Variants in CFAP47 observed in about 807,000 individuals in gnomAD.
CFAP47 encodes cilia- and flagella-associated protein 47.
In CFAP47, 29 loss-of-function variants were observed where a neutral mutation model predicts 148.1. The ratio of observed to expected loss-of-function variants is 0.20; its 90% CI spans 0.15 to 0.27. The LOEUF is 0.27. Ranked by LOEUF, CFAP47 falls within the 10% of genes least tolerant of loss-of-function variation. The probability of loss-of-function intolerance (pLI) is 1.00; values close to 1 mark genes in which losing one functional copy is unlikely to be tolerated. For synonymous variants in CFAP47, 664 were observed against 577.3 expected (o/e 1.15, Z -2.15); for missense variants, 1,872 against 1,697.5 (o/e 1.10, Z -1.81).
chrX:36,278,867 G>A (rs1450961922), intron 49 of CFAP47, among the ~76,000 whole-genome samples: 3 of 111,551 alleles, frequency 2.7e-5, no homozygotes, highest in African/African-American at 6.5e-5. Flanking sequence ...CATTTTAATT[G>A]CTCAGTAGTC....
At chrX:36,018,768 A>G (rs1601933612) in intron 22 of CFAP47, among the ~76,000 whole-genome samples, 1 of 108,697 alleles carries the variant, frequency 9.2e-6, no homozygotes, top group Non-Finnish European at 1.9e-5. Flanking sequence ...AGATTTTTGC[A>G]TCAATATTCA....
At chrX:36,064,200 A>G (rs139792609) in intron 26 of CFAP47, among the ~76,000 whole-genome samples, 1 of 112,621 alleles carries the variant, frequency 8.9e-6, no homozygotes, top group Admixed American at 9.4e-5. Flanking sequence ...ACTATGTTTA[A>G]CACAAGTGCA....
intron 39 of CFAP47, among the ~76,000 whole-genome samples, chrX:36,173,094 T>C (rs752705307): frequency 5.0e-4 from 56 of 111,541 alleles, no homozygotes; most frequent in African/African-American, 1.6e-3. Flanking sequence ...CGTAGAGGTG[T>C]TTGTAGTATT....
intron 45 of CFAP47, among the ~76,000 whole-genome samples, chrX:36,214,525 T>C (rs1940138432): frequency 8.9e-6 from 1 of 112,130 alleles, no homozygotes; most frequent in Non-Finnish European, 1.9e-5. Context: ...TTTAAACTTG[T>C]TGACTCTTGT....
intron 33 of CFAP47, among the ~76,000 whole-genome samples, chrX:36,117,148 C>T (rs1938654856): frequency 8.9e-6 from 1 of 112,294 alleles, no homozygotes; most frequent in African/African-American, 3.2e-5. Flanking sequence ...TTTATTCATT[C>T]ATCTCTTGAT....
chrX:36,148,503 A>G (rs1191775759), intron 36 of CFAP47, among the ~76,000 whole-genome samples: 1 of 111,680 alleles, frequency 9.0e-6, no homozygotes, highest in Non-Finnish European at 1.9e-5. Context: ...TTTTACATAA[A>G]CACTTTGTGT....
chrX:35,973,193 A>G (rs1936519122), intron 13 of CFAP47, among the ~76,000 whole-genome samples: 1 of 111,050 alleles, frequency 9.0e-6, no homozygotes, highest in South Asian at 3.8e-4. Flanking sequence ...CCATTTATTT[A>G]TTTATTTATT....
chrX:36,139,353 G>A (rs1429800573), intron 35 of CFAP47, among the ~76,000 whole-genome samples: 1 of 111,648 alleles, frequency 9.0e-6, no homozygotes, highest in Non-Finnish European at 1.9e-5. Context: ...AGGAAATTGT[G>A]TGAATAGGTT....
chrX:35,942,154 G>T lies in CFAP47; in HGVS notation c.517+756G>T, dbSNP rs1393760169. Among the ~76,000 whole-genome samples the T allele has an allele frequency of 5.4e-5, 6 of 110,937 alleles. No homozygotes were observed. In the Admixed American group the frequency reaches 5.8e-4, roughly 11 times the overall value. ...GATTCAATGGCATGTGGGGTTGCAA[G>T]ATTGCCATTTCTCCCAATCTAAAAT... is the stretch of plus-strand genomic sequence containing the variant. On this transcript the variant is annotated intron_variant, in intron 3 of 63. Coordinates refer to ENST00000378653, the MANE Select transcript of CFAP47 (RefSeq NM_001304548.2).
At chrX:36,308,734 G>T (rs1280457285) in intron 55 of CFAP47, among the ~76,000 whole-genome samples, 2 of 111,028 alleles carry the variant, frequency 1.8e-5, no homozygotes, top group East Asian at 5.6e-4. Context: ...ATTAGCTGAT[G>T]AATCTAAAGC....
At chrX:36,274,372 C>T (rs1339844974) in intron 49 of CFAP47, among the ~76,000 whole-genome samples, 1 of 111,526 alleles carries the variant, frequency 9.0e-6, no homozygotes, top group East Asian at 2.8e-4. Flanking sequence ...TTAGGACACT[C>T]CTTGACTTAT....
At chrX:36,289,769 T>G (rs1220560384) in intron 51 of CFAP47, among the ~76,000 whole-genome samples, 3 of 112,342 alleles carry the variant, frequency 2.7e-5, no homozygotes, top group Non-Finnish European at 5.6e-5. Flanking sequence ...TATTTCTAAA[T>G]TCTGAATTGA....
intron 62 of CFAP47, among the ~76,000 whole-genome samples, chrX:36,377,288 T>G (rs6418690): frequency 0.31 from 34,555 of 110,527 alleles, 6,757 homozygotes; most frequent in African/African-American, 0.73. Flanking sequence ...AGCACCTGTT[T>G]TTTCCTGACT....
chrX:36,131,394 G>A (rs761738298), intron 33 of CFAP47, among the ~76,000 whole-genome samples: 54 of 110,352 alleles, frequency 4.9e-4, no homozygotes, highest in Non-Finnish European at 4.8e-4. Context: ...GCATGCATGG[G>A]GGCAGGGAGT....
chrX:35,956,814 G>T (rs749938389), intron 8 of CFAP47, among the ~76,000 whole-genome samples: 3 of 111,731 alleles, frequency 2.7e-5, no homozygotes, highest in East Asian at 5.7e-4. Flanking sequence ...AAAGACGATG[G>T]TCCACAGGTC....
At chrX:36,280,348 C>T in intron 49 of CFAP47, 139 bp from the exon 50 acceptor site, 2 of 300,274 alleles carry the variant, frequency 6.7e-6, no homozygotes. Flanking sequence ...AGGTTTAATT[C>T]TAACACTGAC....
At chrX:36,224,761 A>G (rs1206615157) in intron 45 of CFAP47, among the ~76,000 whole-genome samples, 1 of 111,749 alleles carries the variant, frequency 8.9e-6, no homozygotes, top group Non-Finnish European at 1.9e-5. Context: ...TGGAGATGAT[A>G]AGCTGTCCTA....
At chrX:36,297,722 A>G (rs1186537027) in intron 51 of CFAP47, among the ~76,000 whole-genome samples, 1 of 111,907 alleles carries the variant, frequency 8.9e-6, no homozygotes, top group Non-Finnish European at 1.9e-5. Flanking sequence ...AAGAAATCTA[A>G]ACAGAAAGAT....
chrX:36,161,765 C>T (rs1217632396), intron 39 of CFAP47, among the ~76,000 whole-genome samples: 4 of 111,865 alleles, frequency 3.6e-5, no homozygotes, highest in Non-Finnish European at 7.5e-5. Context: ...TTCTTTTAAT[C>T]ACTGTATGTA....
Sources: allele counts gnomAD v4.1 joint callset (sites outside exome capture counted in the v4.1 genomes callset), GRCh38; gene constraint gnomAD v4.1.1; transcripts MANE v1.5; gene names NCBI Gene and HGNC (gene_info 2026-07-23, HGNC 2026-07-21).